Variants in CFAP74 observed in about 807,000 individuals in gnomAD.
CFAP74 encodes the protein cilia- and flagella-associated protein 74.
In CFAP74, 124 loss-of-function variants were observed where a neutral mutation model predicts 188.9. The observed-to-expected ratio is 0.66, with a 90% confidence interval of 0.57 to 0.76. The LOEUF (loss-of-function observed/expected upper bound fraction) is 0.76, where lower values mean the gene tolerates loss of function less well. Ranked by LOEUF, CFAP74 falls within the 30% of genes least tolerant of loss-of-function variation. CFAP74 has a pLI of 0.00. For synonymous variants in CFAP74, 956 were observed against 916.7 expected, an observed-to-expected ratio of 1.04 and a Z score of -0.77; for missense variants, 2,198 against 2,165.2, an observed-to-expected ratio of 1.02 and a Z score of -0.30.
At position 1,949,374 on chromosome 1, in the gene CFAP74, G is replaced by T. The variant is rs543175753; in HGVS notation, c.2177-2320C>A. On this transcript the variant is annotated intron_variant, in intron 18 of 38. Transcript: ENST00000682832. ...GGGGTTTTGCCATGTTGCCCAGGCT[G>T]GTCTTGAACTCCTGACCTCAAGTGA... 2.0e-5 allele frequency among the ~76,000 whole-genome samples: 3 copies of T among 152,134 alleles called. No homozygotes were observed. The East Asian group carries it at 5.8e-4, about 29-fold the overall frequency.
At position 1,928,047 on chromosome 1, in the gene CFAP74, C is replaced by A. The variant is rs1338917099; in HGVS notation, c.3388-301G>T. 1.6e-5 allele frequency: 7 copies of A among 433,094 alleles called. No homozygotes were observed. The East Asian group carries it at 2.5e-4, about 16-fold the overall frequency. 26.8% of individuals were successfully genotyped at this position (433,094 alleles called of 1,614,324 possible). On this transcript the variant is annotated intron_variant, in intron 27 of 38. Transcript: ENST00000682832. ...CTGGTGCCTTCCCCTATCTTCACCG[C>A]GGAAGGCCGAAGGCAAGTGCTTCCC...
intron 1 of CFAP74, among the ~76,000 whole-genome samples, chr1:1,993,840 G>A (rs1042713060): frequency 6.6e-6 from 1 of 150,888 alleles, no homozygotes; most frequent in Non-Finnish European, 1.5e-5. Context: ...AAATTAGCCG[G>A]GCGTGGTGGC....
intron 14 of CFAP74, among the ~76,000 whole-genome samples, chr1:1,960,414 G>T (rs2102066219): frequency 6.6e-6 from 1 of 152,390 alleles, no homozygotes; most frequent in Non-Finnish European, 1.5e-5. Flanking sequence ...GGGACCAGGG[G>T]GCTGTGGGCA....
chr1:1,962,222 T>C (rs9777849), intron 14 of CFAP74, among the ~76,000 whole-genome samples: 147,132 of 152,300 alleles, frequency 0.97, 71,115 homozygotes, highest in East Asian at 1. Context: ...CCTGTAATCC[T>C]AGCATTTTGG....
At chr1:1,929,124 G>C (rs372850760) in intron 26 of CFAP74, among the ~76,000 whole-genome samples, 29 of 151,678 alleles carry the variant, frequency 1.9e-4, no homozygotes, top group African/African-American at 6.8e-4. Context: ...TGTGATTGGA[G>C]GTGCTGAGAA....
chr1:1,975,821 G>T lies in CFAP74; in HGVS notation c.501-1623C>A, dbSNP rs1360286143. ...TGTTCTGCTGGCTGTCACTTCCCCT[G>T]CCCGGTGATCAGTGCTCCAGTGGCC... On this transcript the variant is annotated intron_variant, in intron 6 of 38. Transcript: ENST00000682832. The surrounding 1 kb of genome is among the most constrained non-coding windows in gnomAD (Gnocchi z 4.5). Among the ~76,000 whole-genome samples the T allele has an allele frequency of 6.6e-6, 1 of 152,164 alleles. No homozygotes were observed. The highest frequency in any genetic ancestry group is 2.4e-5 in the African/African-American group (1 of 41,434).
Position 1,965,040 on chromosome 1 carries a change from G to A in CFAP74, c.1423C>T (p.Arg475Ter), listed in dbSNP as rs889184555. Reference protein sequence around the residue: ...PYQVPKEDVDRKPVGGTKMDK... With the variant: ...PYQVPKEDVD ...ATCTTTGTCCCGCCCACGGGCTTTC[G>A]GTCCACGTCCTCCTTGGGCACCTGG... is the stretch of plus-strand genomic sequence containing the variant. The change falls in exon 13 of 39, where the codon CGA becomes TGA. Residue 475 changes from arginine (R) to a stop codon, truncating the protein, a stop_gained. Coordinates refer to ENST00000682832, the MANE Select transcript of CFAP74 (RefSeq NM_001304360.2). LOFTEE classifies it high-confidence loss of function. 3.1e-6 allele frequency: 5 copies of A among 1,613,406 alleles called. No homozygotes were observed. The highest frequency in any genetic ancestry group is 1.7e-4 in the Middle Eastern group (1 of 6,058).
In CFAP74 at chr1:1,966,502, C is replaced by T. The variant is rs373629182; in HGVS notation, c.1270G>A (p.Gly424Arg). 4.1e-5 allele frequency: 65 copies of T among 1,582,576 alleles called. No individual in the cohort carries two copies. The highest frequency in any genetic ancestry group is 7.1e-5 in the Admixed American group (4 of 56,420). Residue 424 changes from glycine to arginine, a missense_variant, in exon 12 of 39, where the codon GGG becomes AGG. Physicochemically the swap from Gly to Arg is moderately radical, Grantham distance 125. Coordinates refer to ENST00000682832, the MANE Select transcript of CFAP74 (RefSeq NM_001304360.2). Reference protein sequence around the residue: ...TLDYEAAAGPGPSRLLEVVSS... With the variant: ...TLDYEAAAGPRPSRLLEVVSS... The stretch of plus-strand genomic sequence containing the variant: ...ACGACTTCCAGCAACCGAGAGGGCC[C>T]GGGGCCTGCAGCAGCCTCGTAGTCC...
Position 1,922,715 on chromosome 1 carries a change from C to T in CFAP74, c.4692G>A (p.Glu1564=). The change falls in exon 38 of 39, where the codon GAG becomes GAA. Residue 1564 remains glutamate (E), a synonymous_variant. Transcript: ENST00000682832. ...TTQPSPKKTV[E]FSIDSVASLQ... ...GGGATGCGACGCTGTCTATGCTGAA[C>T]TCAACGGTCTGTGGGGTATGGGGCT... is the stretch of plus-strand genomic sequence containing the variant. 1 of 1,602,906 alleles carries T rather than the reference C, an allele frequency of 6.2e-7. No homozygotes were observed. The highest frequency in any genetic ancestry group is 8.5e-7 in the Non-Finnish European group (1 of 1,174,220).
At chr1:1,986,248 G>A (rs1046429839) in intron 5 of CFAP74, among the ~76,000 whole-genome samples, 6 of 152,222 alleles carry the variant, frequency 3.9e-5, no homozygotes, top group Non-Finnish European at 8.8e-5. Flanking sequence ...TTAGCCAGGT[G>A]TGGTGGCACA....
chr1:1,961,114 G>A (rs754784236), intron 14 of CFAP74, among the ~76,000 whole-genome samples: 7 of 152,140 alleles, frequency 4.6e-5, no homozygotes, highest in African/African-American at 9.7e-5. Context: ...GTGGTGAACC[G>A]AGCAGCACCT....
chr1:1,950,277 C>T (rs566979187), intron 18 of CFAP74, among the ~76,000 whole-genome samples: 3 of 150,838 alleles, frequency 2.0e-5, no homozygotes, highest in South Asian at 4.2e-4. Flanking sequence ...TTTTCATGTG[C>T]GAATTTCTCA....
chr1:1,946,187 A>C (rs1363861733), intron 20 of CFAP74, 130 bp downstream of exon 20: 6 of 1,158,314 alleles, frequency 5.2e-6, no homozygotes, highest in African/African-American at 1.6e-5. Context: ...TGTGGTGCCA[A>C]CCATCCGTGC....
At chr1:1,970,862 C>T (rs779971348) in intron 9 of CFAP74, 46 bp from the exon 10 acceptor site, 1 of 1,606,454 alleles carries the variant, frequency 6.2e-7, no homozygotes, top group East Asian at 2.2e-5. Flanking sequence ...CACCCACGGG[C>T]ACATGCACAC....
chr1:1,928,466 G>A (rs751461175), intron 27 of CFAP74, among the ~76,000 whole-genome samples: 3 of 152,180 alleles, frequency 2.0e-5, no homozygotes, highest in Admixed American at 6.5e-5. Flanking sequence ...TTTCAGGTGC[G>A]CCTCCCGGGG....
intron 1 of CFAP74, among the ~76,000 whole-genome samples, chr1:2,000,348 C>A (rs147884597): frequency 3.3e-5 from 5 of 152,206 alleles, no homozygotes; most frequent in Non-Finnish European, 1.5e-5. Flanking sequence ...CCCTAACACG[C>A]GCATGGGTTC....
In CFAP74 at chr1:1,923,672, A is replaced by C. The variant is rs1314804802; in HGVS notation, c.4389+103T>G. 3.2e-6 allele frequency: 5 copies of C among 1,568,142 alleles called. No homozygotes were observed. Among genetic ancestry groups the C allele is most frequent in the Non-Finnish European group, 4.4e-6 (5 of 1,143,874 alleles). Reference sequence around the variant, plus strand: ...CAGTGTGGTGCTGAGTCCCCCAGCCATGGTACCCTCAGGGCCTCCAAAGTG... The same window carrying C: ...CAGTGTGGTGCTGAGTCCCCCAGCCCTGGTACCCTCAGGGCCTCCAAAGTG... On this transcript the variant is annotated intron_variant, in intron 35 of 38. Coordinates refer to ENST00000682832, the MANE Select transcript of CFAP74 (RefSeq NM_001304360.2). The surrounding 1 kb of genome is among the most constrained non-coding windows in gnomAD (Gnocchi z 6.3).
chr1:1,951,675 A>C (rs1464239136), intron 18 of CFAP74, among the ~76,000 whole-genome samples: 1 of 152,224 alleles, frequency 6.6e-6, no homozygotes, highest in Non-Finnish European at 1.5e-5. Flanking sequence ...CCATTAAAAA[A>C]TCTTCCTGGA....
intron 9 of CFAP74, among the ~76,000 whole-genome samples, chr1:1,971,304 C>CAT (rs1408324581): frequency 1.3e-5 from 2 of 151,408 alleles, no homozygotes; most frequent in South Asian, 2.1e-4. Context: ...CACGCTCACA[C>CAT]ATGCACACCT....
Sources: allele counts gnomAD v4.1 joint callset (sites outside exome capture counted in the v4.1 genomes callset), GRCh38; gene constraint gnomAD v4.1.1; non-coding constraint Gnocchi (gnomAD v3.1); transcripts MANE v1.5; gene names NCBI Gene and HGNC (gene_info 2026-07-23, HGNC 2026-07-21).